Variants in CETP observed in about 807,000 individuals in gnomAD.
The protein encoded by CETP is cholesteryl ester transfer protein.
In CETP, 56 loss-of-function variants were observed where a neutral mutation model predicts 66.5. The observed-to-expected ratio is 0.84, with a 90% CI of 0.68 to 1.05. CETP has a LOEUF of 1.05. CETP is among the 50% of genes least tolerant of loss of function. The pLI, the probability that CETP is intolerant of heterozygous loss-of-function variation, is 0.00. For missense variants in CETP, 612 were observed against 609.6 expected (o/e 1.00, Z -0.04); for synonymous variants, 251 against 245.7 (o/e 1.02, Z -0.20).
chr16:56,981,591 A>C, intron 12 of CETP, 56 bp from the exon 13 acceptor site: 6 of 1,569,050 alleles, frequency 3.8e-6, no homozygotes, highest in Non-Finnish European at 5.3e-6. Flanking sequence ...TTCCCAGGGG[A>C]TGTTACAGGA....
chr16:56,974,516 TAGAC>T (rs796156835), intron 9 of CETP, among the ~76,000 whole-genome samples: 15 of 152,338 alleles, frequency 9.8e-5, no homozygotes, highest in East Asian at 1.9e-4. Flanking sequence ...GATGGATAGA[TAGAC>T]AGAGTGATCA....
chr16:56,983,429 C>G lies in CETP; in HGVS notation c.1407+18C>G. 6.2e-7 allele frequency: 1 copy of G among 1,613,022 alleles called. No individual in the cohort carries two copies. The highest frequency in any genetic ancestry group is 8.5e-7 in the Non-Finnish European group (1 of 1,178,950). Reference sequence around the variant, plus strand: ...CTCGAGATGTGAGTACAAAGCCCCCCTCACCAGCCCCTGTTCCTGGGGAGA... The same window carrying G: ...CTCGAGATGTGAGTACAAAGCCCCCGTCACCAGCCCCTGTTCCTGGGGAGA... On this transcript the variant is annotated intron_variant, in intron 15 of 15. Transcript: ENST00000200676.
At chr16:56,966,954 T>C (rs1213337042) in intron 2 of CETP, among the ~76,000 whole-genome samples, 1 of 151,896 alleles carries the variant, frequency 6.6e-6, no homozygotes, top group African/African-American at 2.4e-5. Context: ...TCTCAGGTAG[T>C]GTTTATTGTA....
chr16:56,968,861 ACTTC>A (rs1319746969), intron 2 of CETP, among the ~76,000 whole-genome samples: 3 of 149,918 alleles, frequency 2.0e-5, no homozygotes, highest in African/African-American at 7.4e-5. Context: ...GATCCTGATT[ACTTC>A]CTTCCTTCTG....
intron 9 of CETP, 90 bp downstream of exon 9, chr16:56,973,600 G>T: frequency 1.4e-6 from 2 of 1,468,240 alleles, no homozygotes; most frequent in South Asian, 1.2e-5. Context: ...GAGGAAACTC[G>T]GAAACTTGGT....
Position 56,971,339 on chromosome 16 carries a change from G to C in CETP, c.616G>C (p.Val206Leu), listed in dbSNP as rs775360565. The change falls in exon 7 of 16, where the codon GTC becomes CTC. Residue 206 changes from valine to leucine, a missense_variant. Coordinates refer to ENST00000200676, the MANE Select transcript of CETP (RefSeq NM_000078.3). ...LKGQICKEIN[V>L]ISNIMADFVQ... ...GCCCCAGATCTGCAAAGAGATCAAC[G>C]TCATCTCTAACATCATGGCCGATTT... The C allele has an allele frequency of 1.9e-6, 3 of 1,614,028 alleles. No individual in the cohort carries two copies. In the Admixed American group the frequency reaches 5.0e-5, roughly 27 times the overall value.
At chr16:56,966,962 G>A (rs1486644482) in intron 2 of CETP, among the ~76,000 whole-genome samples, 3 of 152,004 alleles carry the variant, frequency 2.0e-5, no homozygotes, top group Non-Finnish European at 4.4e-5. Context: ...AGTGTTTATT[G>A]TATTCTGTGC....
In CETP at chr16:56,983,643, G is replaced by A. The variant is rs768571860; in HGVS notation, c.1459G>A (p.Asp487Asn). The change falls in exon 16 of 16, where the codon GAT becomes AAT. Residue 487 changes from aspartate to asparagine, a missense_variant. Physicochemically the swap from Asp to Asn is conservative, Grantham distance 23. Transcript: ENST00000200676. ...DFGFPEHLLVDFLQSLS is the reference protein window; with the variant it reads ...DFGFPEHLLVNFLQSLS ...TGGCTTCCCTGAGCACCTGCTGGTG[G>A]ATTTCCTCCAGAGCTTGAGCTAGAA... 3.1e-6 allele frequency: 5 copies of A among 1,614,200 alleles called. No homozygotes were observed. The highest frequency in any genetic ancestry group is 3.4e-6 in the Non-Finnish European group (4 of 1,180,034).
chr16:56,973,547 T>C (rs748767072), intron 9 of CETP, 37 bp downstream of exon 9: 2 of 1,611,160 alleles, frequency 1.2e-6, no homozygotes, highest in Admixed American at 1.7e-5. Context: ...GGGATCCAGA[T>C]GGCATGTGGT....
At chr16:56,968,336 C>T (rs143888827) in intron 2 of CETP, among the ~76,000 whole-genome samples, 1 of 152,132 alleles carries the variant, frequency 6.6e-6, no homozygotes, top group Admixed American at 6.5e-5. Context: ...CAGACGCCCA[C>T]CATCATGCCC....
Position 56,982,349 on chromosome 16 carries a change from T to A in CETP, c.1321+112T>A, listed in dbSNP as rs1444329476. ...AGGTGCCCCTCTTCCCAGTCATTGATACTTAGCGGTCCTGGCCCCCTTTCC... is the reference window on the plus strand; with the variant it reads ...AGGTGCCCCTCTTCCCAGTCATTGAAACTTAGCGGTCCTGGCCCCCTTTCC... On this transcript the variant is annotated intron_variant, in intron 14 of 15. Coordinates refer to ENST00000200676, the MANE Select transcript of CETP (RefSeq NM_000078.3). 2.9e-6 allele frequency: 3 copies of A among 1,023,446 alleles called. No homozygotes were observed. In the African/African-American group the frequency reaches 4.7e-5, roughly 16 times the overall value. The allele number at this position is 1,023,446 out of a possible 1,614,324, so 63.4% of individuals were successfully genotyped here.
chr16:56,969,756 C>A, intron 4 of CETP, 75 bp downstream of exon 4: 7 of 1,582,728 alleles, frequency 4.4e-6, no homozygotes, highest in Non-Finnish European at 6.0e-6. Flanking sequence ...GGAGGTTGTG[C>A]AGGCAGAGGG....
chr16:56,979,675 C>T (rs1314537196), intron 11 of CETP, among the ~76,000 whole-genome samples: 1 of 152,088 alleles, frequency 6.6e-6, no homozygotes, highest in African/African-American at 2.4e-5. Context: ...CCACCACGCC[C>T]AGCTAATTTT....
intron 2 of CETP, among the ~76,000 whole-genome samples, chr16:56,963,761 T>G (rs756843329): frequency 2.0e-5 from 3 of 148,398 alleles, no homozygotes; most frequent in Admixed American, 6.7e-5. Flanking sequence ...CCTCCGTCTC[T>G]GGGTTCAAGG....
rs184880529 is a variant in CETP at position 56,978,982 on chromosome 16, C to T, written c.1146+727C>T. Among the ~76,000 whole-genome samples, 10 of 152,246 alleles carry T rather than the reference C, an allele frequency of 6.6e-5. No individual in the cohort carries two copies. The East Asian group carries it at 7.7e-4, about 12-fold the overall frequency. ...CTGGGATTACAGGCATGCGCTACCA[C>T]GCCTGACTAATTTTTTGTATTTTTA... is the stretch of plus-strand genomic sequence containing the variant. On this transcript the variant is annotated intron_variant, in intron 11 of 15. Coordinates refer to ENST00000200676, the MANE Select transcript of CETP (RefSeq NM_000078.3).
At chr16:56,978,743 C>T (rs777940833) in intron 11 of CETP, among the ~76,000 whole-genome samples, 3 of 152,190 alleles carry the variant, frequency 2.0e-5, no homozygotes, top group African/African-American at 7.2e-5. Flanking sequence ...GCCTTGGCCT[C>T]CTAAGTTGCT....
intron 4 of CETP, 98 bp from the exon 5 acceptor site, chr16:56,969,816 G>A (rs34847858): frequency 6.5e-7 from 1 of 1,535,554 alleles, no homozygotes; most frequent in Non-Finnish European, 8.9e-7. Flanking sequence ...CAGGGGTGGG[G>A]ACCCCAGAGC....
rs949979588 is a variant in CETP, at chr16:56,979,802, C to T, written c.1147-1356C>T. Among the ~76,000 whole-genome samples, 12 of 151,926 alleles carry T rather than the reference C, an allele frequency of 7.9e-5. No homozygotes were observed. In the South Asian group the frequency reaches 1.2e-3, roughly 16 times the overall value. ...GATTACAGGCATGAGCCACTGTGCT[C>T]GGCCAATATTTCTTAATACATTAAG... On this transcript the variant is annotated intron_variant, in intron 11 of 15. Transcript: ENST00000200676.
Position 56,963,139 on chromosome 16 carries a change from G to A in CETP, c.233+15G>A, listed in dbSNP as rs780907769. The A allele has an allele frequency of 3.5e-5, 56 of 1,605,170 alleles. No homozygotes were observed. The highest frequency in any genetic ancestry group is 1.2e-4 in the Admixed American group (7 of 59,938). Reference sequence around the variant, plus strand: ...GGGTTGCACAAGTGAGTCGGGCCTCGGGTGTGACCAGGCTGGGGGTAGGGA... The same window carrying A: ...GGGTTGCACAAGTGAGTCGGGCCTCAGGTGTGACCAGGCTGGGGGTAGGGA... On this transcript the variant is annotated intron_variant, in intron 2 of 15. Transcript: ENST00000200676.
Sources: allele counts gnomAD v4.1 joint callset (sites outside exome capture counted in the v4.1 genomes callset), GRCh38; gene constraint gnomAD v4.1.1; transcripts MANE v1.5; gene names NCBI Gene and HGNC (gene_info 2026-07-23, HGNC 2026-07-21).